Variants in CCDC181 observed in about 807,000 individuals in gnomAD.
CCDC181 encodes the protein coiled-coil domain containing 181, also known as coiled-coil domain-containing protein 181.
CCDC181 carries 35 observed loss-of-function variants against 58.7 expected under a neutral mutation model. The ratio of observed to expected loss-of-function variants is 0.60; its 90% CI spans 0.46 to 0.79. CCDC181 has a LOEUF of 0.79. Among genes scored for constraint, CCDC181 ranks in the 30% least tolerant of loss-of-function variants. The probability of loss-of-function intolerance (pLI) is 0.00; values close to 1 mark genes in which losing one functional copy is unlikely to be tolerated. For synonymous variants in CCDC181, 183 were observed against 197.5 expected (o/e 0.93, Z 0.62); for missense variants, 517 against 583.9 (o/e 0.89, Z 1.18).
intron 4 of CCDC181, among the ~76,000 whole-genome samples, chr1:169,399,395 T>G (rs1655219644): frequency 6.6e-6 from 1 of 152,204 alleles, no homozygotes; most frequent in Non-Finnish European, 1.5e-5. Context: ...AAATGATTAT[T>G]TTTTAAATTA....
chr1:169,430,422 A>C (rs1480576540), upstream of CCDC181, among the ~76,000 whole-genome samples: 2 of 152,188 alleles, frequency 1.3e-5, no homozygotes, highest in African/African-American at 4.8e-5. Flanking sequence ...CCCATCTATG[A>C]GCATGGGATT....
intron 2 of CCDC181, among the ~76,000 whole-genome samples, chr1:169,443,764 A>C (rs914700389): frequency 2.0e-5 from 3 of 152,210 alleles, no homozygotes; most frequent in African/African-American, 7.2e-5. Flanking sequence ...ATTGATGATT[A>C]GCGATAAGAA....
At chr1:169,459,940 GA>G (rs1319855324) in intron 1 of CCDC181, 1 of 150,042 alleles carries the variant, frequency 6.7e-6, no homozygotes, top group Non-Finnish European at 1.5e-5. Context: ...GGAGGAGGCG[GA>G]GGGGAAGCAG....
At chr1:169,432,541 A>G (rs1656948609) in intron 2 of CCDC181, among the ~76,000 whole-genome samples, 1 of 152,184 alleles carries the variant, frequency 6.6e-6, no homozygotes, top group Non-Finnish European at 1.5e-5. Context: ...GAAGCATATT[A>G]TCCATCTAAC....
chr1:169,426,008 A>C (rs745581758), intron 1 of CCDC181, among the ~76,000 whole-genome samples: 57 of 152,132 alleles, frequency 3.7e-4, no homozygotes, highest in African/African-American at 1.2e-3. Flanking sequence ...GTAATTAAAA[A>C]TTTAACAGGT....
At chr1:169,429,885 A>G (rs962256775), upstream of CCDC181, among the ~76,000 whole-genome samples, 2 of 152,210 alleles carry the variant, frequency 1.3e-5, no homozygotes, top group Admixed American at 6.5e-5. Flanking sequence ...TGCCAACGCC[A>G]ATGTCTAGAA....
chr1:169,412,300 A>G (rs1226785958), intron 4 of CCDC181, among the ~76,000 whole-genome samples: 1 of 152,206 alleles, frequency 6.6e-6, no homozygotes, highest in East Asian at 1.9e-4. Flanking sequence ...TAAAATACCT[A>G]GCAATACAAC....
intron 4 of CCDC181, among the ~76,000 whole-genome samples, chr1:169,405,774 C>T (rs1655615268): frequency 6.6e-6 from 1 of 152,106 alleles, no homozygotes; most frequent in South Asian, 2.1e-4. Flanking sequence ...AAAACAAAAG[C>T]AATGGCAACA....
intron 2 of CCDC181, among the ~76,000 whole-genome samples, chr1:169,439,417 T>G (rs771757782): frequency 3.3e-5 from 5 of 152,194 alleles, no homozygotes; most frequent in Non-Finnish European, 5.9e-5. Context: ...CCATTCATAT[T>G]ATGAAATGGG....
chr1:169,422,196 T>C lies in CCDC181; in HGVS notation c.235A>G (p.Arg79Gly), dbSNP rs756708202. The C allele has an allele frequency of 6.2e-7, 1 of 1,613,726 alleles. No individual in the cohort carries two copies. Among genetic ancestry groups the C allele is most frequent in the South Asian group, 1.1e-5 (1 of 91,076 alleles). Reference sequence around the variant, plus strand: ...GGTACAGAAATGATGTCATTTCTTCTTGGTGAGACCTCATCCTGCAAAGAT... The same window carrying C: ...GGTACAGAAATGATGTCATTTCTTCCTGGTGAGACCTCATCCTGCAAAGAT... ...DKSLQDEVSP[R>G]RNDIISVPGI... The change falls in exon 3 of 6, where the codon AGA becomes GGA. Residue 79 changes from arginine (R) to glycine (G), a missense_variant. By Grantham distance (125) the Arg-to-Gly change is moderately radical (BLOSUM62 -2). Coordinates refer to ENST00000367806, the MANE Select transcript of CCDC181 (RefSeq NM_001300969.2).
At chr1:169,403,917 A>T (rs1401468380) in intron 4 of CCDC181, among the ~76,000 whole-genome samples, 1 of 152,206 alleles carries the variant, frequency 6.6e-6, no homozygotes, top group Admixed American at 6.5e-5. Context: ...ACTGCTACCA[A>T]GACTAATAAA....
At chr1:169,416,669 AATG>A (rs1360284175) in intron 4 of CCDC181, among the ~76,000 whole-genome samples, 1 of 152,176 alleles carries the variant, frequency 6.6e-6, no homozygotes, top group African/African-American at 2.4e-5. Flanking sequence ...TGATGTGATG[AATG>A]ATATTAGTAC....
intron 3 of CCDC181, among the ~76,000 whole-genome samples, chr1:169,419,758 T>C (rs886975742): frequency 5.8e-4 from 88 of 152,196 alleles, no homozygotes; most frequent in African/African-American, 1.9e-3. Flanking sequence ...ACGATGATTA[T>C]CTTTCCAAGG....
At chr1:169,398,895 A>C (rs1213156) in intron 4 of CCDC181, among the ~76,000 whole-genome samples, 1 of 152,226 alleles carries the variant, frequency 6.6e-6, no homozygotes, top group African/African-American at 2.4e-5. Context: ...GATGGTATTT[A>C]AATAGAAAGG....
upstream of CCDC181, among the ~76,000 whole-genome samples, chr1:169,429,225 GTTC>G (rs1162100419): frequency 6.6e-6 from 1 of 152,112 alleles, no homozygotes; most frequent in Non-Finnish European, 1.5e-5. Context: ...ATTTGGTTTG[GTTC>G]TTTATTTTTG....
chr1:169,398,713 C>T (rs1365051966), intron 4 of CCDC181, among the ~76,000 whole-genome samples: 1 of 152,336 alleles, frequency 6.6e-6, no homozygotes, highest in East Asian at 1.9e-4. Context: ...CTAGCAGCTA[C>T]TCTAATGGAC....
chr1:169,448,043 TAAAAC>T (rs1032378631), intron 2 of CCDC181, among the ~76,000 whole-genome samples: 9 of 152,280 alleles, frequency 5.9e-5, no homozygotes, highest in African/African-American at 2.2e-4. Context: ...TTAACAAACT[TAAAAC>T]TAACTGAAAA....
chr1:169,409,683 G>A (rs1655856162), intron 4 of CCDC181, among the ~76,000 whole-genome samples: 1 of 152,200 alleles, frequency 6.6e-6, no homozygotes, highest in Non-Finnish European at 1.5e-5. Flanking sequence ...CAGACTAAGA[G>A]CAGATCTCTC....
At chr1:169,420,726 T>C (rs1656416227) in intron 3 of CCDC181, among the ~76,000 whole-genome samples, 1 of 152,164 alleles carries the variant, frequency 6.6e-6, no homozygotes, top group Non-Finnish European at 1.5e-5. Context: ...CTGACATAAG[T>C]AATTCTGAGA....
Sources: gnomAD v4.1 joint callset for allele counts (sites outside exome capture counted in the v4.1 genomes callset) on GRCh38, gnomAD v4.1.1 for gene constraint, MANE v1.5 for transcripts, NCBI Gene and HGNC (gene_info 2026-07-23, HGNC 2026-07-21) for gene names.